THSD4: variants seen among roughly 807,000 people sequenced by gnomAD.
THSD4 encodes the protein thrombospondin type-1 domain-containing protein 4.
In THSD4, 69 loss-of-function variants were observed where a neutral mutation model predicts 119.0. The ratio of observed to expected loss-of-function variants is 0.58; its 90% CI spans 0.48 to 0.71. The LOEUF is 0.71. THSD4 is among the 30% of genes least tolerant of loss of function. The pLI is 0.00. For synonymous variants in THSD4, 524 were observed against 540.4 expected, an observed-to-expected ratio of 0.97 and a Z score of 0.42; for missense variants, 1,393 against 1,391.1, an observed-to-expected ratio of 1.00 and a Z score of -0.02.
At position 71,737,902 on chromosome 15, in the gene THSD4, C is replaced by T. The variant is rs373897660; in HGVS notation, c.1801C>T (p.Arg601Ter). The T allele has an allele frequency of 1.2e-6, 2 of 1,614,244 alleles. No individual in the cohort carries two copies. The highest frequency in any genetic ancestry group is 2.2e-5 in the East Asian group (1 of 44,884). ...GCATCCAGACAGATTTTCTCCCCAT[C>T]GACCGGACAACTTGGTGCCACCAGC... ...VRHPDRFSPH[R>*]PDNLVPPAPQ... The change falls in exon 11 of 18, where the codon CGA becomes TGA. Residue 601 changes from arginine (R) to a stop codon, truncating the protein, a stop_gained. Coordinates refer to ENST00000261862, the MANE Select transcript of THSD4 (RefSeq NM_024817.3). LOFTEE classifies it high-confidence loss of function.
chr15:71,197,704 G>A (rs1358976546), intron 3 of THSD4, among the ~76,000 whole-genome samples: 3 of 152,054 alleles, frequency 2.0e-5, no homozygotes, highest in Non-Finnish European at 4.4e-5. Flanking sequence ...TGTTCTCCAA[G>A]GGCCACCAAG....
chr15:71,611,400 G>A (rs1501416), intron 7 of THSD4, among the ~76,000 whole-genome samples: 29,385 of 152,184 alleles, frequency 0.19, 3,150 homozygotes, highest in Non-Finnish European at 0.24. Context: ...TCCATTTGCT[G>A]CTGCCTACTT....
chr15:71,466,211 G>A (rs2047497292), intron 7 of THSD4, among the ~76,000 whole-genome samples: 1 of 151,926 alleles, frequency 6.6e-6, no homozygotes, highest in Non-Finnish European at 1.5e-5. Flanking sequence ...AATTAGCTGG[G>A]CGTGGTAGCT....
rs181091426 is a variant in THSD4 at position 71,232,311 on chromosome 15, G to A, written c.465-10338G>A. ...AGCAGTAGCCTTTATTGACCCATTC[G>A]TTACAAATGCTGAGCAACGAGGCTC... On this transcript the variant is annotated intron_variant, in intron 4 of 17. Coordinates refer to ENST00000261862, the MANE Select transcript of THSD4 (RefSeq NM_024817.3). Among the ~76,000 whole-genome samples, 452 of 152,188 alleles carry A rather than the reference G, an allele frequency of 3.0e-3. 1 individual carries two copies. Among genetic ancestry groups the A allele is most frequent in the Non-Finnish European group, 5.4e-3 (366 of 68,018 alleles).
In THSD4 at chr15:71,344,741, C is replaced by T. The variant is rs548307862; in HGVS notation, c.1016-66946C>T. Among the ~76,000 whole-genome samples, 4 of 152,276 alleles carry T rather than the reference C, an allele frequency of 2.6e-5. No homozygotes were observed. The South Asian group carries it at 8.3e-4, about 32-fold the overall frequency. ...GAAATGTAGAAGCACCAAATTGTAT[C>T]ATGAGCATTCACAAAGATTTCTTGT... is the stretch of plus-strand genomic sequence containing the variant. On this transcript the variant is annotated intron_variant, in intron 6 of 17. Transcript: ENST00000261862.
At chr15:71,608,078 C>T (rs535701799) in intron 7 of THSD4, among the ~76,000 whole-genome samples, 49 of 151,748 alleles carry the variant, frequency 3.2e-4, no homozygotes, top group Non-Finnish European at 6.8e-4. Context: ...AAAAAATTAG[C>T]GGGGCGTGGT....
At chr15:71,163,253 ATT>A in intron 3 of THSD4, among the ~76,000 whole-genome samples, 1 of 144,510 alleles carries the variant, frequency 6.9e-6, no homozygotes, top group African/African-American at 2.5e-5. Flanking sequence ...TAAAACAGTC[ATT>A]TTTTTTTTTA....
At chr15:71,424,842 G>A (rs2046849148) in intron 7 of THSD4, among the ~76,000 whole-genome samples, 1 of 152,124 alleles carries the variant, frequency 6.6e-6, no homozygotes, top group Non-Finnish European at 1.5e-5. Context: ...AATAAAAATA[G>A]ATGAAACTTT....
intron 6 of THSD4, among the ~76,000 whole-genome samples, chr15:71,335,182 G>C (rs905924253): frequency 6.6e-6 from 1 of 152,204 alleles, no homozygotes; most frequent in Non-Finnish European, 1.5e-5. Context: ...CAATACATGT[G>C]AGGTGCTTAG....
intron 4 of THSD4, among the ~76,000 whole-genome samples, chr15:71,240,008 T>C (rs979986949): frequency 6.6e-6 from 1 of 152,246 alleles, no homozygotes; most frequent in Non-Finnish European, 1.5e-5. Context: ...TAGAATTAAC[T>C]GGTCATTTGC....
intron 7 of THSD4, among the ~76,000 whole-genome samples, chr15:71,568,425 A>G (rs2049282240): frequency 6.6e-6 from 1 of 152,166 alleles, no homozygotes; most frequent in African/African-American, 2.4e-5. Flanking sequence ...TTGCTGAATC[A>G]GGATTCAGGA....
intron 9 of THSD4, 180 bp from the exon 10 acceptor site, chr15:71,730,941 A>C (rs1567124116): frequency 1.7e-6 from 1 of 587,952 alleles, no homozygotes; most frequent in African/African-American, 1.9e-5. Context: ...TCAAAAGTAA[A>C]TGACAAAAAG....
intron 14 of THSD4, among the ~76,000 whole-genome samples, chr15:71,755,706 C>CAAAAAAAAAA (rs10555546): frequency 2.0e-5 from 1 of 50,284 alleles, no homozygotes; most frequent in Non-Finnish European, 3.9e-5. Flanking sequence ...TCAGCAAAGA[C>CAAAAAAAAAA]AAAAAAAAAA....
intron 6 of THSD4, among the ~76,000 whole-genome samples, chr15:71,391,927 G>A (rs1292376993): frequency 6.6e-6 from 1 of 152,142 alleles, no homozygotes; most frequent in East Asian, 1.9e-4. Flanking sequence ...ACCCTCAACA[G>A]CATTTCTAGA....
intron 7 of THSD4, among the ~76,000 whole-genome samples, chr15:71,613,515 T>C (rs2050267589): frequency 6.6e-6 from 1 of 152,216 alleles, no homozygotes; most frequent in African/African-American, 2.4e-5. Context: ...AAGATACATA[T>C]GGAGCCACAT....
At chr15:71,614,488 T>C (rs545834208) in intron 7 of THSD4, among the ~76,000 whole-genome samples, 52 of 152,318 alleles carry the variant, frequency 3.4e-4, no homozygotes, top group African/African-American at 1.2e-3. Context: ...TTCATTTATC[T>C]CACCTATCCC....
Position 71,589,367 on chromosome 15 carries a change from T to A in THSD4, c.1153-71163T>A, listed in dbSNP as rs1046327054. Among the ~76,000 whole-genome samples the A allele has an allele frequency of 7.6e-5, 10 of 130,876 alleles. 1 individual carries two copies. Among genetic ancestry groups the A allele is most frequent in the Non-Finnish European group, 1.6e-4 (9 of 56,868 alleles). 85.9% of individuals were successfully genotyped at this position (130,876 alleles called of 152,430 possible). A position where few individuals can be genotyped will look rare whatever the true frequency, so the allele number is the denominator to read the frequency against. On this transcript the variant is annotated intron_variant, in intron 7 of 17. Coordinates refer to ENST00000261862, the MANE Select transcript of THSD4 (RefSeq NM_024817.3). Reference sequence around the variant, plus strand: ...TAAATTATTTATTTATTTATTTTTTTATTTATTGGAGACAGAGTCTCACTG... The same window carrying A: ...TAAATTATTTATTTATTTATTTTTTAATTTATTGGAGACAGAGTCTCACTG...
intron 7 of THSD4, among the ~76,000 whole-genome samples, chr15:71,654,975 A>T (rs1167424210): frequency 6.6e-6 from 1 of 152,110 alleles, no homozygotes. Flanking sequence ...ACCTCCAAAT[A>T]TGTCATCCAG....
chr15:71,755,131 G>A (rs368278940), intron 14 of THSD4, among the ~76,000 whole-genome samples: 16 of 152,216 alleles, frequency 1.1e-4, no homozygotes, highest in African/African-American at 3.6e-4. Context: ...AAGGCAGAGA[G>A]CTCTTCCTGC....
Sources: gnomAD v4.1 joint callset for allele counts (sites outside exome capture counted in the v4.1 genomes callset) on GRCh38, gnomAD v4.1.1 for gene constraint, MANE v1.5 for transcripts, NCBI Gene and HGNC (gene_info 2026-07-23, HGNC 2026-07-21) for gene names.